The following STK39 variants were observed in gnomAD, a reference collection of about 807,000 sequenced individuals.
The protein encoded by STK39 is serine/threonine kinase 39.
A neutral mutation model predicts 77.8 loss-of-function variants in STK39; 20 were observed. The ratio of observed to expected loss-of-function variants is 0.26; its 90% confidence interval spans 0.18 to 0.37. The LOEUF (loss-of-function observed/expected upper bound fraction) is 0.37, where lower values mean the gene tolerates loss of function less well. STK39 is among the 10% of genes least tolerant of loss of function. The pLI, the probability that STK39 is intolerant of heterozygous loss-of-function variation, is 1.00. For synonymous variants in STK39, 246 were observed against 234.1 expected (o/e 1.05, Z -0.47); for missense variants, 479 against 656.5 (o/e 0.73, Z 2.95).
intron 16 of STK39, among the ~76,000 whole-genome samples, chr2:167,975,694 G>T (rs1310810051): frequency 1.3e-5 from 2 of 152,284 alleles, no homozygotes; most frequent in African/African-American, 2.4e-5. Flanking sequence ...GGTTCCTGTG[G>T]TCCCAGCTAC....
At chr2:168,222,114 T>A (rs1175798114) in intron 1 of STK39, among the ~76,000 whole-genome samples, 1 of 152,186 alleles carries the variant, frequency 6.6e-6, no homozygotes, top group African/African-American at 2.4e-5. Flanking sequence ...TCTGCTGTTT[T>A]GGCTGAATAT....
chr2:168,072,565 G>T (rs555005833), intron 12 of STK39, among the ~76,000 whole-genome samples: 1 of 152,132 alleles, frequency 6.6e-6, no homozygotes, highest in African/African-American at 2.4e-5. Context: ...CCATAAGAAC[G>T]TGAGCTCCAC....
intron 14 of STK39, among the ~76,000 whole-genome samples, chr2:168,062,542 T>C (rs908658986): frequency 6.6e-6 from 1 of 152,144 alleles, no homozygotes; most frequent in African/African-American, 2.4e-5. Context: ...TAAATGACCA[T>C]CAGAAGTGAG....
At chr2:168,068,214 G>C (rs1193312888) in intron 12 of STK39, among the ~76,000 whole-genome samples, 1 of 152,176 alleles carries the variant, frequency 6.6e-6, no homozygotes, top group Admixed American at 6.5e-5. Flanking sequence ...CATATCAGAG[G>C]AGGAGGCAGG....
At chr2:168,007,214 C>T (rs1189968904) in intron 16 of STK39, among the ~76,000 whole-genome samples, 1 of 152,208 alleles carries the variant, frequency 6.6e-6, no homozygotes, top group Non-Finnish European at 1.5e-5. Context: ...TTTCTTTACA[C>T]AGCTTTCCTC....
At chr2:168,108,734 C>T (rs917716150) in intron 10 of STK39, among the ~76,000 whole-genome samples, 8 of 152,080 alleles carry the variant, frequency 5.3e-5, no homozygotes, top group Non-Finnish European at 1.0e-4. Flanking sequence ...AATCGATAAG[C>T]AATATTCACG....
chr2:168,002,124 G>A (rs1684017045), intron 16 of STK39, among the ~76,000 whole-genome samples: 1 of 152,220 alleles, frequency 6.6e-6, no homozygotes, highest in Admixed American at 6.5e-5. Context: ...GCAAGCTCTT[G>A]TTTCACCCAA....
chr2:168,151,774 T>C (rs1421624199), intron 5 of STK39, among the ~76,000 whole-genome samples: 2 of 149,636 alleles, frequency 1.3e-5, no homozygotes, highest in Non-Finnish European at 3.0e-5. Context: ...GGATTCTTGG[T>C]AAAAACACAG....
At chr2:168,018,263 G>A (rs1342139929) in intron 14 of STK39, among the ~76,000 whole-genome samples, 2 of 152,240 alleles carry the variant, frequency 1.3e-5, no homozygotes, top group East Asian at 1.9e-4. Context: ...ACTTTGAGAG[G>A]CTGAGGCAGG....
chr2:168,181,944 G>A, intron 2 of STK39, 34 bp downstream of exon 2: 1 of 1,581,600 alleles, frequency 6.3e-7, no homozygotes. Context: ...ATTAAGAAAA[G>A]CAACCAGCAG....
intron 14 of STK39, among the ~76,000 whole-genome samples, chr2:168,017,971 C>G (rs1024181654): frequency 6.6e-6 from 1 of 151,894 alleles, no homozygotes; most frequent in Non-Finnish European, 1.5e-5. Context: ...AATGTAAAGG[C>G]TTACACAAAA....
At chr2:168,046,909 GA>G (rs1174885099) in intron 14 of STK39, among the ~76,000 whole-genome samples, 1 of 152,020 alleles carries the variant, frequency 6.6e-6, no homozygotes, top group Non-Finnish European at 1.5e-5. Context: ...GGGAAGGGAA[GA>G]TCTGACAACT....
intron 1 of STK39, among the ~76,000 whole-genome samples, chr2:168,220,876 G>T (rs1690151620): frequency 3.3e-5 from 5 of 152,110 alleles, no homozygotes; most frequent in East Asian, 1.9e-4. Flanking sequence ...GCATTGCAGG[G>T]GTCATTTTTT....
intron 14 of STK39, among the ~76,000 whole-genome samples, chr2:168,023,119 T>A (rs1188843673): frequency 6.6e-6 from 1 of 152,134 alleles, no homozygotes; most frequent in African/African-American, 2.4e-5. Context: ...TCTTGCTATG[T>A]TGCTGAGGCT....
intron 10 of STK39, among the ~76,000 whole-genome samples, chr2:168,087,078 C>T (rs969520034): frequency 6.6e-6 from 1 of 152,202 alleles, no homozygotes; most frequent in Admixed American, 6.5e-5. Flanking sequence ...AACACTCTGT[C>T]CTGGTAAGAC....
At chr2:168,169,780 G>T (rs755502459) in intron 2 of STK39, among the ~76,000 whole-genome samples, 3 of 152,132 alleles carry the variant, frequency 2.0e-5, no homozygotes, top group East Asian at 1.9e-4. Flanking sequence ...TTAAATGAGT[G>T]GGGGATGAGG....
At chr2:168,042,106 T>C (rs1475329241) in intron 14 of STK39, among the ~76,000 whole-genome samples, 1 of 152,240 alleles carries the variant, frequency 6.6e-6, no homozygotes, top group Non-Finnish European at 1.5e-5. Flanking sequence ...AATTTTCTTC[T>C]CAGTGATTGT....
chr2:168,080,470 A>T (rs1686199297), intron 10 of STK39, among the ~76,000 whole-genome samples: 1 of 152,112 alleles, frequency 6.6e-6, no homozygotes, highest in South Asian at 2.1e-4. Context: ...TCCACTAAAA[A>T]TACAAAAAAA....
chr2:168,001,255 A>T (rs930985564), intron 16 of STK39, among the ~76,000 whole-genome samples: 1 of 146,736 alleles, frequency 6.8e-6, no homozygotes, highest in African/African-American at 2.6e-5. Flanking sequence ...TGATGTATCA[A>T]TTTGGAAACA....
Sources: allele counts gnomAD v4.1 joint callset (sites outside exome capture counted in the v4.1 genomes callset), GRCh38; gene constraint gnomAD v4.1.1; transcripts MANE v1.5; gene names NCBI Gene and HGNC (gene_info 2026-07-23, HGNC 2026-07-21).